The following MACF1 variants were observed in gnomAD, a reference collection of about 807,000 sequenced individuals.
MACF1 encodes the protein microtubule-actin cross-linking factor 1.
A neutral mutation model predicts 854.8 loss-of-function variants in MACF1; 193 were observed. That is an observed-to-expected ratio of 0.23 (90% CI 0.20 to 0.25). MACF1 has a LOEUF of 0.25. Among genes scored for constraint, MACF1 ranks in the 10% least tolerant of loss-of-function variants. The pLI, the probability that MACF1 is intolerant of heterozygous loss-of-function variation, is 1.00. For missense variants in MACF1, 7,722 were observed against 8,929.1 expected (o/e 0.86, Z 5.45); for synonymous variants, 3,185 against 3,226.7 (o/e 0.99, Z 0.44).
intron 2 of MACF1, among the ~76,000 whole-genome samples, chr1:39,089,246 A>G (rs1475586744): frequency 6.6e-6 from 1 of 152,062 alleles, no homozygotes; most frequent in African/African-American, 2.4e-5. Flanking sequence ...ATATCCCCGT[A>G]TGTGTTGTGA....
At chr1:39,296,363 C>A (rs1645899758) in intron 20 of MACF1, among the ~76,000 whole-genome samples, 1 of 152,056 alleles carries the variant, frequency 6.6e-6, no homozygotes, top group Non-Finnish European at 1.5e-5. Context: ...GAAATAGACT[C>A]CACCTCTTGA....
In MACF1 at chr1:39,453,798, G is replaced by A; in HGVS notation, c.20834G>A (p.Cys6945Tyr). The A allele has an allele frequency of 1.9e-6, 3 of 1,614,188 alleles. No individual in the cohort carries two copies. The highest frequency in any genetic ancestry group is 2.5e-6 in the Non-Finnish European group (3 of 1,180,036). ...ATCCTGGCTGTCTGCCACCCCGATT[G>A]CATCACAACCATCAAACACTGGATC... ...EVILAVCHPD[C>Y]ITTIKHWITI... The change falls in exon 88 of 101, where the codon TGC (cysteine) becomes TAC (tyrosine). Residue 6945 changes from cysteine to tyrosine, a missense_variant. Physicochemically the swap from Cys to Tyr is radical, Grantham distance 194. Transcript: ENST00000564288.
intron 1 of MACF1, chr1:39,206,445 C>G (rs963211246): frequency 1.3e-5 from 2 of 152,090 alleles, no homozygotes; most frequent in Non-Finnish European, 2.9e-5. Flanking sequence ...ATGGTAATGT[C>G]ATTTTTAAAC....
At position 39,295,813 on chromosome 1, in the gene MACF1, G is replaced by A; in HGVS notation, c.2286G>A (p.Gln762=). The A allele has an allele frequency of 1.2e-6, 2 of 1,614,112 alleles. No homozygotes were observed. Among genetic ancestry groups the A allele is most frequent in the Non-Finnish European group, 8.5e-7 (1 of 1,179,988 alleles). Residue 762 remains glutamine (Q), a synonymous_variant, in exon 20 of 101, where the codon CAG becomes CAA. Coordinates refer to ENST00000564288, the MANE Select transcript of MACF1 (RefSeq NM_001394062.1). The part of the protein sequence containing the change: ...VEAYSAAVQS[Q]LQWMKQLCLC... ...CTTACAGTGCTGCTGTCCAGTCCCA[G>A]TTGCAGTGGATGAAGCAGCTGTGCC... is the stretch of plus-strand genomic sequence containing the variant.
At chr1:39,327,402 G>T in intron 36 of MACF1, 49 bp downstream of exon 36, 1 of 1,531,168 alleles carries the variant, frequency 6.5e-7, no homozygotes, top group Non-Finnish European at 8.9e-7. Flanking sequence ...CTTTTGAATG[G>T]TATGAAGGCA....
chr1:39,453,599 C>A, intron 87 of MACF1, 108 bp from the exon 88 acceptor site: 1 of 951,150 alleles, frequency 1.1e-6, no homozygotes, highest in South Asian at 1.5e-5. Context: ...TCTGCGTTAA[C>A]ACATGGAGGA....
In MACF1 at chr1:39,368,417, C is replaced by A. The variant is rs1389008837; in HGVS notation, c.12938+103C>A. ...CTTCCTTTACCAGAACAGATGGCAT[C>A]TAAAATTCTACTACTGAGTTGTAGG... On this transcript the variant is annotated intron_variant, in intron 50 of 100. Coordinates refer to ENST00000564288, the MANE Select transcript of MACF1 (RefSeq NM_001394062.1). The A allele has an allele frequency of 5.0e-6, 6 of 1,208,516 alleles. No homozygotes were observed. The East Asian group carries it at 7.3e-5, about 15-fold the overall frequency. 74.9% of individuals were successfully genotyped at this position (1,208,516 alleles called of 1,614,324 possible). A position where few individuals can be genotyped will look rare whatever the true frequency, so the allele number is the denominator to read the frequency against.
chr1:39,410,285 G>T (rs1237562618), intron 58 of MACF1: 1 of 1,601,924 alleles, frequency 6.2e-7, no homozygotes. Flanking sequence ...CCACTCAGCA[G>T]ACCAGACTGT....
At chr1:39,166,794 G>C (rs1390362764) in intron 2 of MACF1, among the ~76,000 whole-genome samples, 1 of 151,894 alleles carries the variant, frequency 6.6e-6, no homozygotes, top group Non-Finnish European at 1.5e-5. Flanking sequence ...AAACAACTAG[G>C]GTGGGTATTT....
intron 6 of MACF1, among the ~76,000 whole-genome samples, chr1:39,263,528 G>GT (rs1384091912): frequency 6.6e-6 from 1 of 152,052 alleles, no homozygotes; most frequent in East Asian, 1.9e-4. Flanking sequence ...TTGCTTCAGG[G>GT]TTTTTTCTCT....
At chr1:39,244,400 G>A (rs1644959352) in intron 2 of MACF1, among the ~76,000 whole-genome samples, 2 of 152,028 alleles carry the variant, frequency 1.3e-5, no homozygotes, top group South Asian at 4.2e-4. Flanking sequence ...TCCTGCCTTA[G>A]CCTCCTAAGT....
At chr1:39,249,928 G>T in intron 2 of MACF1, 86 bp from the exon 3 acceptor site, 1 of 654,008 alleles carries the variant, frequency 1.5e-6, no homozygotes, top group Non-Finnish European at 2.6e-6. Context: ...TTTAATTTGT[G>T]TTTACCTAGA....
intron 2 of MACF1, among the ~76,000 whole-genome samples, chr1:39,183,852 C>T (rs1644134587): frequency 6.6e-6 from 1 of 152,172 alleles, no homozygotes; most frequent in Non-Finnish European, 1.5e-5. Context: ...GCAGAAACCT[C>T]TGGGTGGCAC....
intron 58 of MACF1, among the ~76,000 whole-genome samples, chr1:39,407,970 T>C (rs1642779461): frequency 1.3e-5 from 2 of 152,176 alleles, no homozygotes; most frequent in South Asian, 4.1e-4. Context: ...CCCTTTGTAC[T>C]TTCTTTGTTT....
At chr1:39,247,362 C>T (rs566123294) in intron 2 of MACF1, among the ~76,000 whole-genome samples, 44 of 152,182 alleles carry the variant, frequency 2.9e-4, no homozygotes, top group Admixed American at 7.9e-4. Context: ...TGAGCCACTG[C>T]GCCCAGCCAC....
intron 2 of MACF1, among the ~76,000 whole-genome samples, chr1:39,172,532 T>C (rs1164269868): frequency 6.6e-6 from 1 of 152,156 alleles, no homozygotes; most frequent in Non-Finnish European, 1.5e-5. Context: ...TGGGGCCTTA[T>C]TACCTCATGG....
At chr1:39,310,574 T>C (rs1557580244) in intron 25 of MACF1, 146 bp downstream of exon 25, 3 of 907,284 alleles carry the variant, frequency 3.3e-6, no homozygotes, top group Non-Finnish European at 4.9e-6. Flanking sequence ...GAAGAACTTA[T>C]AGATGAATTC....
intron 21 of MACF1, among the ~76,000 whole-genome samples, chr1:39,298,907 C>T (rs544208338): frequency 6.6e-6 from 1 of 152,124 alleles, no homozygotes; most frequent in South Asian, 2.1e-4. Context: ...TCTCGAGGGT[C>T]GCTGCTCTGT....
At chr1:39,169,990 C>T (rs1394585545) in intron 2 of MACF1, among the ~76,000 whole-genome samples, 1 of 151,092 alleles carries the variant, frequency 6.6e-6, no homozygotes, top group East Asian at 1.9e-4. Context: ...ACCTTGTTAG[C>T]CAGGATGTTC....
Sources: allele counts gnomAD v4.1 joint callset (sites outside exome capture counted in the v4.1 genomes callset), GRCh38; gene constraint gnomAD v4.1.1; transcripts MANE v1.5; gene names NCBI Gene and HGNC (gene_info 2026-07-23, HGNC 2026-07-21).